SMARCC1: variants seen among roughly 807,000 people sequenced by gnomAD.
SMARCC1 encodes SWI/SNF complex subunit SMARCC1.
In SMARCC1, 43 loss-of-function variants were observed where a neutral mutation model predicts 147.4. The ratio of observed to expected loss-of-function variants is 0.29; its 90% CI spans 0.23 to 0.38. SMARCC1 has a LOEUF of 0.38. Among genes scored for constraint, SMARCC1 ranks in the 10% least tolerant of loss-of-function variants. The pLI is 1.00. For synonymous variants in SMARCC1, 495 were observed against 484.4 expected, an observed-to-expected ratio of 1.02 and a Z score of -0.29; for missense variants, 1,119 against 1,381.1, an observed-to-expected ratio of 0.81 and a Z score of 3.01.
At chr3:47,722,735 AG>A (rs1463807454) in intron 6 of SMARCC1, among the ~76,000 whole-genome samples, 1 of 152,244 alleles carries the variant, frequency 6.6e-6, no homozygotes, top group Non-Finnish European at 1.5e-5. Flanking sequence ...ATGAATTTAT[AG>A]AAGTATGGCT....
intron 24 of SMARCC1, among the ~76,000 whole-genome samples, chr3:47,623,012 T>C (rs2032756475): frequency 6.6e-6 from 1 of 152,054 alleles, no homozygotes; most frequent in Non-Finnish European, 1.5e-5. Context: ...TACTAGCTAG[T>C]AATCAATCCC....
intron 21 of SMARCC1, among the ~76,000 whole-genome samples, chr3:47,654,179 G>C (rs1288667350): frequency 6.6e-6 from 1 of 152,030 alleles, no homozygotes; most frequent in Non-Finnish European, 1.5e-5. Context: ...AATCAAATAA[G>C]ACTGCCAATG....
At chr3:47,650,093 G>A (rs908459834) in intron 21 of SMARCC1, among the ~76,000 whole-genome samples, 24 of 151,572 alleles carry the variant, frequency 1.6e-4, no homozygotes, top group African/African-American at 1.7e-4. Flanking sequence ...TGGCTAACAC[G>A]GTGAAGCCCT....
intron 13 of SMARCC1, 45 bp downstream of exon 13, chr3:47,689,342 A>G: frequency 6.7e-7 from 1 of 1,494,536 alleles, no homozygotes; most frequent in Non-Finnish European, 9.3e-7. Context: ...GGTACACAGG[A>G]CCCTTAGAGA....
chr3:47,680,392 C>T (rs781641577), intron 15 of SMARCC1, 45 bp downstream of exon 15: 4 of 1,332,180 alleles, frequency 3.0e-6, no homozygotes, highest in African/African-American at 2.9e-5. Flanking sequence ...AGAGCCCCTA[C>T]CGCACACAGG....
intron 2 of SMARCC1, among the ~76,000 whole-genome samples, chr3:47,760,515 A>G (rs920422788): frequency 2.6e-5 from 4 of 152,032 alleles, no homozygotes; most frequent in African/African-American, 7.2e-5. Flanking sequence ...TACAAACATT[A>G]GCTGGGCGTT....
intron 11 of SMARCC1, among the ~76,000 whole-genome samples, chr3:47,694,009 G>C (rs1223676169): frequency 1.3e-5 from 2 of 152,122 alleles, no homozygotes; most frequent in African/African-American, 2.4e-5. Context: ...AATATATCCT[G>C]AGAGTTTTTT....
intron 11 of SMARCC1, among the ~76,000 whole-genome samples, chr3:47,695,933 G>GC (rs1314132173): frequency 2.3e-5 from 3 of 132,644 alleles, no homozygotes; most frequent in African/African-American, 5.8e-5. Context: ...CGGGCGTGGT[G>GC]GTGCATGCCT....
chr3:47,660,047 A>G (rs112126609), intron 21 of SMARCC1, among the ~76,000 whole-genome samples: 1 of 152,220 alleles, frequency 6.6e-6, no homozygotes, highest in Non-Finnish European at 1.5e-5. Context: ...TAACTCAGCA[A>G]TTCTACCCCT....
intron 2 of SMARCC1, among the ~76,000 whole-genome samples, chr3:47,751,644 A>T (rs2034630770): frequency 6.6e-6 from 1 of 151,900 alleles, no homozygotes; most frequent in Non-Finnish European, 1.5e-5. Context: ...CAGTAGGAAG[A>T]CCTCTTGAGC....
intron 23 of SMARCC1, 32 bp from the exon 24 acceptor site, chr3:47,635,376 T>G: frequency 6.2e-7 from 1 of 1,600,266 alleles, no homozygotes; most frequent in Non-Finnish European, 8.5e-7. Flanking sequence ...GTTACTAGCG[T>G]GCCCACTCTC....
intron 26 of SMARCC1, among the ~76,000 whole-genome samples, chr3:47,598,422 C>T (rs1292932635): frequency 2.0e-5 from 3 of 152,152 alleles, no homozygotes; most frequent in Non-Finnish European, 4.4e-5. Context: ...CCACCAAGTC[C>T]GACCTGGACA....
At chr3:47,600,296 G>C (rs748775847) in intron 26 of SMARCC1, among the ~76,000 whole-genome samples, 2 of 152,224 alleles carry the variant, frequency 1.3e-5, no homozygotes, top group Non-Finnish European at 2.9e-5. Flanking sequence ...ACCTAAGAGT[G>C]AATGATGTCC....
chr3:47,594,898 CT>C (rs1302036352), intron 26 of SMARCC1, among the ~76,000 whole-genome samples: 1 of 152,174 alleles, frequency 6.6e-6, no homozygotes, highest in Non-Finnish European at 1.5e-5. Flanking sequence ...GCAGGTAGAC[CT>C]TGATAAGATC....
Position 47,720,646 on chromosome 3 carries a change from T to A in SMARCC1, c.716+20A>T. The A allele has an allele frequency of 6.6e-7, 1 of 1,518,756 alleles. No homozygotes were observed. The allele number at this position is 1,518,756 out of a possible 1,614,324, so 94.1% of individuals were successfully genotyped here. A position where few individuals can be genotyped will look rare whatever the true frequency, so the allele number is the denominator to read the frequency against. ...TTCACAGAAATCTTTATACCAGGTC[T>A]CACAGCATATGAACATTACCTGTCT... On this transcript the variant is annotated intron_variant, in intron 7 of 27. Transcript: ENST00000254480.
rs764829363 is a variant in SMARCC1 at position 47,588,216 on chromosome 3, G to A, written c.3311C>T (p.Ala1104Val). 27 of 1,613,054 alleles carry A rather than the reference G, an allele frequency of 1.7e-5. No individual in the cohort carries two copies. The highest frequency in any genetic ancestry group is 2.0e-5 in the Non-Finnish European group (23 of 1,179,414). ...PPAPGPPASA[A>V]P ...TTCCCTGCATCTTCCAGGCTAAGGA[G>A]CAGCTGAGGCTGGCGGGCCAGGAGC... Residue 1104 changes from alanine to valine, a missense_variant, in exon 28 of 28, where the codon GCT becomes GTT. Around this residue, in one of 6 missense-constraint regions of SMARCC1, gnomAD observed 186 missense variants for 216.5 expected, o/e 0.86. Coordinates refer to ENST00000254480, the MANE Select transcript of SMARCC1 (RefSeq NM_003074.4).
chr3:47,689,514 G>C (rs945784170), intron 12 of SMARCC1, 90 bp from the exon 13 acceptor site: 1 of 1,079,568 alleles, frequency 9.3e-7, no homozygotes, highest in Non-Finnish European at 1.4e-6. Context: ...ACTGATACTG[G>C]ACAGAGAAAA....
intron 25 of SMARCC1, among the ~76,000 whole-genome samples, chr3:47,612,549 G>C (rs2032578179): frequency 6.6e-6 from 1 of 152,080 alleles, no homozygotes; most frequent in African/African-American, 2.4e-5. Flanking sequence ...CTTTCTTTGA[G>C]GGCTTACCTT....
rs199669686 is a variant in SMARCC1 at position 47,590,754 on chromosome 3, G to C, written c.3127C>G (p.Pro1043Ala). The C allele has an allele frequency of 5.7e-5, 92 of 1,604,098 alleles. No individual in the cohort carries two copies. The highest frequency in any genetic ancestry group is 7.2e-5 in the Non-Finnish European group (85 of 1,176,122). Reference sequence around the variant, plus strand: ...GGAGGGGTAGGGCCACTCCCAGAGGGGTGGATGTTGGCTGCAACAGTGGGA... The same window carrying C: ...GGAGGGGTAGGGCCACTCCCAGAGGCGTGGATGTTGGCTGCAACAGTGGGA... The part of the protein sequence containing the change: ...MIPTVAANIH[P>A]SGSGPTPPGM... Residue 1043 changes from proline (P) to alanine (A), a missense_variant, in exon 27 of 28, where the codon CCC becomes GCC. Physicochemically the swap from Pro to Ala is conservative, Grantham distance 27. Coordinates refer to ENST00000254480, the MANE Select transcript of SMARCC1 (RefSeq NM_003074.4).
Sources: gnomAD v4.1 joint callset for allele counts (sites outside exome capture counted in the v4.1 genomes callset) on GRCh38, gnomAD v4.1.1 for gene constraint, gnomAD v4.1.1 regional missense constraint, MANE v1.5 for transcripts, NCBI Gene and HGNC (gene_info 2026-07-23, HGNC 2026-07-21) for gene names.